LHFPL2: variants seen among roughly 807,000 people sequenced by gnomAD.
LHFPL2 encodes the protein LHFPL tetraspan subfamily member 2 protein.
A neutral mutation model predicts 17.5 loss-of-function variants in LHFPL2; 7 were observed. The observed-to-expected ratio is 0.40, with a 90% CI of 0.23 to 0.75. LHFPL2 has a LOEUF of 0.75. Ranked by LOEUF, LHFPL2 falls within the 30% of genes least tolerant of loss-of-function variation. The pLI, the probability that LHFPL2 is intolerant of heterozygous loss-of-function variation, is 0.37. For synonymous variants in LHFPL2, 134 were observed against 116.2 expected (o/e 1.15, Z -0.99); for missense variants, 241 against 294.8 (o/e 0.82, Z 1.34).
intron 3 of LHFPL2, among the ~76,000 whole-genome samples, chr5:78,558,923 C>T (rs1412441021): frequency 4.6e-5 from 7 of 152,138 alleles, no homozygotes; most frequent in African/African-American, 1.7e-4. Flanking sequence ...AGGCCTATTC[C>T]CTGTATTTTC....
intron 1 of LHFPL2, among the ~76,000 whole-genome samples, chr5:78,635,054 G>A (rs1284427673): frequency 1.3e-5 from 2 of 152,156 alleles, no homozygotes; most frequent in Admixed American, 6.5e-5. Context: ...CAGAGTTCTG[G>A]TCCCTCGGGA....
intron 4 of LHFPL2, among the ~76,000 whole-genome samples, chr5:78,498,121 G>T: frequency 6.6e-6 from 1 of 152,292 alleles, no homozygotes; most frequent in South Asian, 2.1e-4. Context: ...AAAGAGGCAG[G>T]GTGGTAAATA....
At chr5:78,497,109 G>C (rs976559627) in intron 4 of LHFPL2, among the ~76,000 whole-genome samples, 1 of 152,204 alleles carries the variant, frequency 6.6e-6, no homozygotes, top group Non-Finnish European at 1.5e-5. Flanking sequence ...ACAAATGGGA[G>C]TTCAATTCTT....
chr5:78,643,516 A>G (rs1745752199), intron 1 of LHFPL2, among the ~76,000 whole-genome samples: 1 of 152,122 alleles, frequency 6.6e-6, no homozygotes, highest in South Asian at 2.1e-4. Flanking sequence ...TTTTTTTAAT[A>G]AAAAAGATTG....
chr5:78,546,387 A>G (rs1254138641), intron 3 of LHFPL2, among the ~76,000 whole-genome samples: 1 of 152,230 alleles, frequency 6.6e-6, no homozygotes, highest in East Asian at 1.9e-4. Flanking sequence ...ATGCAAGGGC[A>G]TCGGCTCTAG....
chr5:78,598,210 C>T (rs1353990934), intron 2 of LHFPL2, among the ~76,000 whole-genome samples: 2 of 152,232 alleles, frequency 1.3e-5, no homozygotes, highest in Non-Finnish European at 2.9e-5. Context: ...ATACAAACTA[C>T]TAGTTCAAGT....
intron 3 of LHFPL2, among the ~76,000 whole-genome samples, chr5:78,541,433 A>T (rs1401798688): frequency 6.6e-6 from 1 of 152,178 alleles, no homozygotes; most frequent in Admixed American, 6.5e-5. Flanking sequence ...GAGCCACTGA[A>T]GAGATTACAG....
intron 3 of LHFPL2, among the ~76,000 whole-genome samples, chr5:78,558,494 T>C (rs377673208): frequency 1.3e-5 from 2 of 150,716 alleles, no homozygotes; most frequent in South Asian, 2.1e-4. Context: ...GGACTTCCAC[T>C]GATCACAACA....
intron 2 of LHFPL2, among the ~76,000 whole-genome samples, chr5:78,589,236 T>A: frequency 6.6e-6 from 1 of 152,078 alleles, no homozygotes; most frequent in African/African-American, 2.4e-5. Context: ...TTTGGGAGGC[T>A]GAGGCAGGTG....
chr5:78,580,307 C>A (rs1256601223), intron 2 of LHFPL2, among the ~76,000 whole-genome samples: 4 of 152,190 alleles, frequency 2.6e-5, no homozygotes, highest in Non-Finnish European at 4.4e-5. Context: ...CCTGTTCACA[C>A]TGATGGTAAT....
chr5:78,602,668 C>A (rs1744060820), intron 2 of LHFPL2, among the ~76,000 whole-genome samples: 1 of 152,104 alleles, frequency 6.6e-6, no homozygotes, highest in South Asian at 2.1e-4. Flanking sequence ...AGTGAATACA[C>A]CCAACAGGAC....
intron 4 of LHFPL2, among the ~76,000 whole-genome samples, chr5:78,496,017 C>T (rs1051924340): frequency 6.6e-6 from 1 of 152,202 alleles, no homozygotes; most frequent in East Asian, 1.9e-4. Flanking sequence ...GCAAATGTTG[C>T]CTCCCCGGGA....
chr5:78,538,636 TCAA>T (rs376980284), intron 3 of LHFPL2, among the ~76,000 whole-genome samples: 3 of 152,152 alleles, frequency 2.0e-5, no homozygotes, highest in African/African-American at 4.8e-5. Flanking sequence ...GTGTCCAAAA[TCAA>T]CAACAACAAC....
chr5:78,503,682 G>C (rs1223229359), intron 4 of LHFPL2, among the ~76,000 whole-genome samples: 1 of 148,384 alleles, frequency 6.7e-6, no homozygotes, highest in South Asian at 2.2e-4. Context: ...TGGGCAATAA[G>C]AGCGAAACTC....
At chr5:78,499,641 A>T (rs1207011325) in intron 4 of LHFPL2, among the ~76,000 whole-genome samples, 1 of 152,220 alleles carries the variant, frequency 6.6e-6, no homozygotes. Context: ...ATCTACAAGG[A>T]TTAGAGAGCA....
chr5:78,525,464 A>T (rs1277770386), intron 3 of LHFPL2, among the ~76,000 whole-genome samples: 2 of 152,218 alleles, frequency 1.3e-5, no homozygotes, highest in Admixed American at 6.5e-5. Flanking sequence ...GGAAAAATGA[A>T]TTGAGCAGGT....
In LHFPL2 at chr5:78,524,459, C is replaced by T. The variant is rs1236914125; in HGVS notation, c.-185-14061G>A. 5.9e-5 allele frequency among the ~76,000 whole-genome samples: 9 copies of T among 152,188 alleles called. No homozygotes were observed. In the East Asian group the frequency reaches 7.7e-4, roughly 13 times the overall value. On this transcript the variant is annotated intron_variant, in intron 3 of 4. Transcript: ENST00000380345. ...GGAGGTATAAGAATTGTTAGATATC[C>T]GGCCAGGCGCAGTGGCTCATGCCTG...
intron 2 of LHFPL2, among the ~76,000 whole-genome samples, chr5:78,596,533 G>C (rs532598413): frequency 4.6e-5 from 7 of 152,286 alleles, no homozygotes; most frequent in Admixed American, 4.6e-4. Flanking sequence ...ATGTGATAAA[G>C]AGAAACCTAG....
At chr5:78,644,538 C>A (rs1745795146) in intron 1 of LHFPL2, 2 of 560,468 alleles carry the variant, frequency 3.6e-6, no homozygotes, top group Admixed American at 2.8e-5. Context: ...CAGAATAGAA[C>A]AAGAAAAAGG....
Sources: allele counts gnomAD v4.1 joint callset (sites outside exome capture counted in the v4.1 genomes callset), GRCh38; gene constraint gnomAD v4.1.1; transcripts MANE v1.5; gene names NCBI Gene and HGNC (gene_info 2026-07-23, HGNC 2026-07-21).